The following RCBTB1 variants were observed in gnomAD, a reference collection of about 807,000 sequenced individuals.
RCBTB1 encodes RCC1 and BTB domain containing protein 1, also known as RCC1 and BTB domain-containing protein 1.
RCBTB1 carries 46 observed loss-of-function variants against 62.4 expected under a neutral mutation model. That is an observed-to-expected ratio of 0.74 (90% confidence interval 0.58 to 0.94). RCBTB1 has a LOEUF of 0.94. Among genes scored for constraint, RCBTB1 ranks in the 40% least tolerant of loss-of-function variants. The pLI is 0.00. For synonymous variants in RCBTB1, 222 were observed against 245.8 expected (o/e 0.90, Z 0.91); for missense variants, 565 against 654.9 (o/e 0.86, Z 1.50).
At chr13:49,584,406 G>T (rs1964276946) in intron 1 of RCBTB1, among the ~76,000 whole-genome samples, 2 of 152,160 alleles carry the variant, frequency 1.3e-5, no homozygotes, top group Admixed American at 6.5e-5. Context: ...TCCCACAGAT[G>T]AACTGTTATA....
At chr13:49,583,386 ATG>A (rs6145049) in intron 1 of RCBTB1, among the ~76,000 whole-genome samples, 80,761 of 149,692 alleles carry the variant, frequency 0.54, 21,988 homozygotes, top group Non-Finnish European at 0.62. Context: ...GCTTTTGTGT[ATG>A]TGTGTGTGTG....
At chr13:49,564,818 G>A (rs1962785796) in intron 4 of RCBTB1, among the ~76,000 whole-genome samples, 1 of 151,856 alleles carries the variant, frequency 6.6e-6, no homozygotes, top group Admixed American at 6.6e-5. Flanking sequence ...GTGAACCCAG[G>A]AGGTGGAGCA....
Position 49,567,415 on chromosome 13 carries a change from T to C in RCBTB1, c.-41-95A>G, listed in dbSNP as rs570338214. The C allele has an allele frequency of 8.0e-5, 70 of 877,554 alleles. No homozygotes were observed. The African/African-American group carries it at 9.1e-4, about 11-fold the overall frequency. The allele number at this position is 877,554 out of a possible 1,614,324, so 54.4% of individuals were successfully genotyped here. On this transcript the variant is annotated intron_variant, in intron 2 of 12. Transcript: ENST00000378302. ...GTTAATAAATACTAACAAAAGCTGATTCTAGAATAAATGAACTACCTTTGG... is the reference window on the plus strand; with the variant it reads ...GTTAATAAATACTAACAAAAGCTGACTCTAGAATAAATGAACTACCTTTGG...
intron 5 of RCBTB1, among the ~76,000 whole-genome samples, chr13:49,557,489 T>G (rs1342915850): frequency 6.6e-6 from 1 of 152,110 alleles, no homozygotes; most frequent in Non-Finnish European, 1.5e-5. Context: ...AGTAAAGTTA[T>G]TTTTTCCAAA....
At chr13:49,568,160 G>A (rs1046511706) in intron 2 of RCBTB1, among the ~76,000 whole-genome samples, 1 of 152,126 alleles carries the variant, frequency 6.6e-6, no homozygotes, top group Non-Finnish European at 1.5e-5. Flanking sequence ...AAGCACAAAT[G>A]GAAGTTTTTT....
intron 2 of RCBTB1, among the ~76,000 whole-genome samples, chr13:49,578,018 G>A (rs1453049590): frequency 1.3e-5 from 2 of 152,152 alleles, no homozygotes; most frequent in African/African-American, 4.8e-5. Flanking sequence ...TATAGTTAAT[G>A]AGCTAGTGAT....
intron 12 of RCBTB1, among the ~76,000 whole-genome samples, chr13:49,537,130 A>C (rs1024378513): frequency 2.0e-5 from 3 of 152,324 alleles, no homozygotes; most frequent in Non-Finnish European, 4.4e-5. Flanking sequence ...CAGGGTGAGC[A>C]GGTGCCTCGG....
Position 49,549,552 on chromosome 13 carries a change from G to T in RCBTB1, c.951C>A (p.Ser317=), listed in dbSNP as rs3751382. Residue 317 remains serine, a synonymous_variant, in exon 9 of 13, where the codon TCC becomes TCA. Transcript: ENST00000378302. ...AGTGGGTGAGGTGCGGGAGGATCAC[G>T]GACTGACCCCGGCACTGGCCCCACA... ...VYMWGQCRGQ[S]VILPHLTHFS... is the part of the protein sequence containing the mutation. 0.18 allele frequency: 285,119 copies of T among 1,613,698 alleles called. 30,513 individuals are homozygous for T. Among genetic ancestry groups the T allele is most frequent in the African/African-American group, 0.45 (33,457 of 74,876 alleles).
intron 9 of RCBTB1, among the ~76,000 whole-genome samples, chr13:49,549,134 TA>T (rs66645127): frequency 0.64 from 75,119 of 117,460 alleles, 24,336 homozygotes; most frequent in Non-Finnish European, 0.73. Context: ...TCTGTCTCAA[TA>T]AAAAAAAAAA....
intron 5 of RCBTB1, among the ~76,000 whole-genome samples, chr13:49,558,268 T>C (rs970815779): frequency 6.6e-6 from 1 of 152,180 alleles, no homozygotes. Context: ...CTGTATCCTG[T>C]CCAGGGCTGC....
chr13:49,575,988 C>T (rs1298500344), intron 2 of RCBTB1, among the ~76,000 whole-genome samples: 1 of 151,876 alleles, frequency 6.6e-6, no homozygotes, highest in South Asian at 2.1e-4. Context: ...AGATCGAGAC[C>T]ATCCTGGCTA....
intron 5 of RCBTB1, among the ~76,000 whole-genome samples, chr13:49,558,487 T>C (rs1438296458): frequency 4.6e-5 from 7 of 151,388 alleles, no homozygotes. Flanking sequence ...AGGTCAGGAG[T>C]TCGAGACCAG....
chr13:49,554,398 G>A (rs1961665926), intron 6 of RCBTB1, among the ~76,000 whole-genome samples: 1 of 152,020 alleles, frequency 6.6e-6, no homozygotes, highest in African/African-American at 2.4e-5. Context: ...GATATTCAAC[G>A]GCCATCCCAA....
At position 49,551,402 on chromosome 13, in the gene RCBTB1, T is replaced by C; in HGVS notation, c.778A>G (p.Asn260Asp). The C allele has an allele frequency of 6.2e-7, 1 of 1,614,210 alleles. No individual in the cohort carries two copies. The change falls in exon 8 of 13, where the codon AAC becomes GAC. Residue 260 changes from asparagine to aspartate, a missense_variant. Asn to Asp is a conservative substitution (Grantham distance 23). Transcript: ENST00000378302. ...DEGLLYAWGA[N>D]TYGQLGTGNK... ...CCAGTTCCCAGCTGCCCATATGTGT[T>C]AGCTCCCCAGGCATACAGCAAGCCC... is the stretch of plus-strand genomic sequence containing the variant.
Position 49,555,584 on chromosome 13 carries a change from T to A in RCBTB1, c.534A>T (p.Leu178Phe). The A allele has an allele frequency of 1.2e-6, 2 of 1,613,782 alleles. No individual in the cohort carries two copies. Among genetic ancestry groups the A allele is most frequent in the Non-Finnish European group, 1.7e-6 (2 of 1,179,740 alleles). The change falls in exon 6 of 13, where the codon TTA (leucine) becomes TTT (phenylalanine). Residue 178 changes from leucine to phenylalanine, a missense_variant. By Grantham distance (22) the Leu-to-Phe change is conservative. Transcript: ENST00000378302. ...CAATGCCAACTACCCTCTTAATATGTAAACAGTTTGTAACTTTTCGAGGAG... is the reference window on the plus strand; with the variant it reads ...CAATGCCAACTACCCTCTTAATATGAAAACAGTTTGTAACTTTTCGAGGAG... ...QPTPRKVTNC[L>F]HIKRVVGIAC...
rs374463381 is a variant in RCBTB1, at chr13:49,567,242, A to G, written c.38T>C (p.Leu13Pro). The G allele has an allele frequency of 1.4e-5, 23 of 1,613,908 alleles. No homozygotes were observed. Among genetic ancestry groups the G allele is most frequent in the Non-Finnish European group, 1.9e-5 (23 of 1,179,994 alleles). Reference protein sequence around the residue: ...DVGKWPIFTLLSPQEIASIRK... With the variant: ...DVGKWPIFTLPSPQEIASIRK... ...AATAGACGCGATCTCTTGAGGGGAGAGTAGAGTGAAGATGGGCCACTTTCC... is the reference window on the plus strand; with the variant it reads ...AATAGACGCGATCTCTTGAGGGGAGGGTAGAGTGAAGATGGGCCACTTTCC... The change falls in exon 3 of 13, where the codon CTC becomes CCC. Residue 13 changes from leucine (L) to proline (P), a missense_variant. Coordinates refer to ENST00000378302, the MANE Select transcript of RCBTB1 (RefSeq NM_018191.4).
At chr13:49,563,811 G>A (rs949198070) in intron 4 of RCBTB1, among the ~76,000 whole-genome samples, 1 of 152,196 alleles carries the variant, frequency 6.6e-6, no homozygotes, top group Admixed American at 6.5e-5. Flanking sequence ...TCTTGAGAAA[G>A]ATGCAGAGAA....
chr13:49,563,335 G>C (rs1374028812), intron 4 of RCBTB1, among the ~76,000 whole-genome samples: 4 of 69,978 alleles, frequency 5.7e-5, no homozygotes, highest in African/African-American at 1.1e-4. Flanking sequence ...CTGGGTGACA[G>C]AGAGAGAGAG....
At chr13:49,580,149 C>T (rs1283486089) in intron 2 of RCBTB1, among the ~76,000 whole-genome samples, 4 of 152,084 alleles carry the variant, frequency 2.6e-5, no homozygotes, top group Non-Finnish European at 4.4e-5. Flanking sequence ...TTATAGGATA[C>T]TGTTGTTTTC....
Sources: allele counts gnomAD v4.1 joint callset (sites outside exome capture counted in the v4.1 genomes callset), GRCh38; gene constraint gnomAD v4.1.1; transcripts MANE v1.5; gene names NCBI Gene and HGNC (gene_info 2026-07-23, HGNC 2026-07-21).